The following ABCA5 variants were observed in gnomAD, a reference collection of about 807,000 sequenced individuals.
The protein encoded by ABCA5 is ATP binding cassette subfamily A member 5.
ABCA5 carries 163 observed loss-of-function variants against 206.0 expected under a neutral mutation model. The ratio of observed to expected loss-of-function variants is 0.79; its 90% CI spans 0.70 to 0.90. The LOEUF (loss-of-function observed/expected upper bound fraction) is 0.90. Ranked by LOEUF, ABCA5 falls within the 40% of genes least tolerant of loss-of-function variation. The probability of loss-of-function intolerance (pLI) is 0.00; values close to 1 mark genes in which losing one functional copy is unlikely to be tolerated. For missense variants in ABCA5, 1,859 were observed against 1,912.9 expected (o/e 0.97, Z 0.53); for synonymous variants, 609 against 613.8 (o/e 0.99, Z 0.11).
At chr17:69,313,342 C>A in intron 2 of ABCA5, 46 bp from the exon 3 acceptor site, 1 of 862,410 alleles carries the variant, frequency 1.2e-6, no homozygotes, top group Non-Finnish European at 1.7e-6. Flanking sequence ...ACAATGGCAG[C>A]AAAAATCATC....
intron 11 of ABCA5, among the ~76,000 whole-genome samples, chr17:69,293,833 G>GGTGTGT (rs61315865): frequency 0.043 from 5,257 of 123,354 alleles, 137 homozygotes; most frequent in African/African-American, 0.093. Flanking sequence ...CAATCATACT[G>GGTGTGT]GTGTGTGTGT....
rs999373805 is a variant in ABCA5 at position 69,309,538 on chromosome 17, T to C, written c.308-115A>G. 3 of 829,758 alleles carry C rather than the reference T, an allele frequency of 3.6e-6. No individual in the cohort carries two copies. The African/African-American group carries it at 5.4e-5, about 15-fold the overall frequency. 51.4% of individuals were successfully genotyped at this position (829,758 alleles called of 1,614,324 possible). A position where few individuals can be genotyped will look rare whatever the true frequency, so the allele number is the denominator to read the frequency against. On this transcript the variant is annotated intron_variant, in intron 3 of 38. Transcript: ENST00000392676. ...TATTTTATAAACACTTTTGCTATAT[T>C]TACTTCTTAAAAAATGAAAACAGTC...
At position 69,259,751 on chromosome 17, in the gene ABCA5, T is replaced by A. The variant is rs769580983; in HGVS notation, c.3686A>T (p.Glu1229Val). The A allele has an allele frequency of 6.2e-7, 1 of 1,609,862 alleles. No homozygotes were observed. Among genetic ancestry groups the A allele is most frequent in the Non-Finnish European group, 8.5e-7 (1 of 1,177,284 alleles). ...TATTGATCTGCCTCCATATTTTTTC[T>A]CATAGTATTGTAAGAGGAAAATCCA... Reference protein sequence around the residue: ...VLWIFLLQYYEKKYGGRSIRK... With the variant: ...VLWIFLLQYYVKKYGGRSIRK... The change falls in exon 28 of 39, where the codon GAG (glutamate) becomes GTG (valine). Residue 1229 changes from glutamate to valine, a missense_variant. Coordinates refer to ENST00000392676, the MANE Select transcript of ABCA5 (RefSeq NM_172232.4).
Position 69,245,442 on chromosome 17 carries a change from T to A in ABCA5, c.*2095A>T, listed in dbSNP as rs1161182903. 1 of 151,986 alleles carries A rather than the reference T, an allele frequency of 6.6e-6. No individual in the cohort carries two copies. The highest frequency in any genetic ancestry group is 1.5e-5 in the Non-Finnish European group (1 of 67,844). 9.4% of individuals were successfully genotyped at this position (151,986 alleles called of 1,614,324 possible). Reference sequence around the variant, plus strand: ...TTTAAAATTAGTATGTTCATAAACATGAACTGTACACTGTAAATAAATATA... The same window carrying A: ...TTTAAAATTAGTATGTTCATAAACAAGAACTGTACACTGTAAATAAATATA... On this transcript the variant is annotated 3_prime_UTR_variant, in exon 39 of 39. Transcript: ENST00000392676.
Position 69,283,941 on chromosome 17 carries a change from T to C in ABCA5, c.2392+12A>G, listed in dbSNP as rs2075423970. ...TTCATTGCCTAAAATGTTTTGTTAGTTCTGTTTTTACCTGCTTGGTCAATT... is the reference window on the plus strand; with the variant it reads ...TTCATTGCCTAAAATGTTTTGTTAGCTCTGTTTTTACCTGCTTGGTCAATT... On this transcript the variant is annotated intron_variant, in intron 18 of 38. Transcript: ENST00000392676. 1.2e-6 allele frequency: 2 copies of C among 1,603,952 alleles called. No homozygotes were observed. Among genetic ancestry groups the C allele is most frequent in the East Asian group, 2.3e-5 (1 of 44,174 alleles).
rs71144665 is a variant in ABCA5, at chr17:69,252,016, A to ACTTTTATATTCT, written c.4416-151_4416-150insAGAATATAAAAG. 9.4e-4 allele frequency: 575 copies of ACTTTTATATTCT among 613,622 alleles called. 60 individuals are homozygous for ACTTTTATATTCT. Among genetic ancestry groups the ACTTTTATATTCT allele is most frequent in the Middle Eastern group, 1.4e-3 (3 of 2,098 alleles). 38.0% of individuals were successfully genotyped at this position (613,622 alleles called of 1,614,324 possible). A position where few individuals can be genotyped will look rare whatever the true frequency, so the allele number is the denominator to read the frequency against. On this transcript the variant is annotated intron_variant, in intron 34 of 38. Coordinates refer to ENST00000392676, the MANE Select transcript of ABCA5 (RefSeq NM_172232.4). ...GGCTATTACATCCTGCCCAACTATGATTTTTTTTTTTTTGAGACGGAGTCT... is the reference window on the plus strand; with the variant it reads ...GGCTATTACATCCTGCCCAACTATGACTTTTATATTCTTTTTTTTTTTTTTGAGACGGAGTCT...
intron 1 of ABCA5, among the ~76,000 whole-genome samples, chr17:69,323,882 T>C (rs1336137301): frequency 6.6e-6 from 1 of 152,146 alleles, no homozygotes; most frequent in Non-Finnish European, 1.5e-5. Context: ...TTTTAAAAGG[T>C]TGAAAAATAA....
intron 19 of ABCA5, among the ~76,000 whole-genome samples, chr17:69,276,072 TTTAA>T (rs1200189388): frequency 6.9e-6 from 1 of 144,520 alleles, no homozygotes; most frequent in Non-Finnish European, 1.5e-5. Context: ...ACTAAGGTAT[TTTAA>T]TTTTCTTTTT....
At chr17:69,294,123 T>A (rs1377339677) in intron 11 of ABCA5, among the ~76,000 whole-genome samples, 1 of 152,172 alleles carries the variant, frequency 6.6e-6, no homozygotes, top group Non-Finnish European at 1.5e-5. Context: ...CTTATTCAAA[T>A]AATTGAGTAT....
Position 69,255,772 on chromosome 17 carries a change from T to C in ABCA5, c.3937A>G (p.Lys1313Glu). Residue 1313 changes from lysine to glutamate, a missense_variant, in exon 30 of 39, where the codon AAA (lysine) becomes GAA (glutamate). By Grantham distance (56) the Lys-to-Glu change is moderately conservative. Transcript: ENST00000392676. ...AAAGAGATGTATTTAGTTGCCACTT[T>C]CTTTACTTTTCTTGAAAGAAGAAAA... ...KDFLLSRKVK[K>E]VATKYISFCV... 6.3e-7 allele frequency: 1 copy of C among 1,598,550 alleles called. No individual in the cohort carries two copies. The highest frequency in any genetic ancestry group is 8.5e-7 in the Non-Finnish European group (1 of 1,175,128).
At chr17:69,292,976 G>A (rs1444991139) in intron 11 of ABCA5, among the ~76,000 whole-genome samples, 1 of 152,130 alleles carries the variant, frequency 6.6e-6, no homozygotes, top group Non-Finnish European at 1.5e-5. Context: ...TAGTTATTAG[G>A]CAAATGCAAA....
intron 35 of ABCA5, 94 bp downstream of exon 35, chr17:69,251,653 A>G: frequency 6.8e-7 from 1 of 1,466,676 alleles, no homozygotes; most frequent in East Asian, 2.4e-5. Flanking sequence ...TTTAACATTT[A>G]AATTACTAAC....
intron 31 of ABCA5, among the ~76,000 whole-genome samples, chr17:69,254,824 A>G (rs904932220): frequency 8.5e-5 from 13 of 152,132 alleles, no homozygotes; most frequent in Admixed American, 6.6e-5. Flanking sequence ...GCACCCGCCC[A>G]GATGTTTTAC....
chr17:69,320,980 G>C (rs1256585479), intron 1 of ABCA5, among the ~76,000 whole-genome samples: 1 of 152,128 alleles, frequency 6.6e-6, no homozygotes, highest in African/African-American at 2.4e-5. Flanking sequence ...GTCCTTTGGG[G>C]AGAAGACAGA....
At chr17:69,282,646 G>C (rs2075407631) in intron 18 of ABCA5, among the ~76,000 whole-genome samples, 1 of 122,480 alleles carries the variant, frequency 8.2e-6, no homozygotes, top group South Asian at 2.5e-4. Flanking sequence ...GTGGGCGCCT[G>C]TAATCCCAGC....
chr17:69,276,025 C>T (rs951945200), intron 19 of ABCA5, among the ~76,000 whole-genome samples: 1 of 142,302 alleles, frequency 7.0e-6, no homozygotes, highest in Non-Finnish European at 1.5e-5. Context: ...GTTTAAGTCA[C>T]CCAGTAAATG....
intron 11 of ABCA5, among the ~76,000 whole-genome samples, 168 bp from the exon 12 acceptor site, chr17:69,291,494 G>A (rs1038056274): frequency 1.3e-5 from 2 of 152,102 alleles, no homozygotes; most frequent in African/African-American, 2.4e-5. Context: ...TACAGTCAAC[G>A]ATATAAACAG....
At position 69,289,209 on chromosome 17, in the gene ABCA5, A is replaced by T; in HGVS notation, c.1870T>A (p.Ser624Thr). The change falls in exon 14 of 39, where the codon TCA becomes ACA. Residue 624 changes from serine (S) to threonine (T), a missense_variant. By Grantham distance (58) the Ser-to-Thr change is moderately conservative. Coordinates refer to ENST00000392676, the MANE Select transcript of ABCA5 (RefSeq NM_172232.4). ...TTCCCAAGAACAGCAATTCCTAATG[A>T]CAGCTTTCTTTTTTGACCACCACTT... Reference protein sequence around the residue: ...KLSGGQKRKLSLGIAVLGNPK... With the variant: ...KLSGGQKRKLTLGIAVLGNPK... 4 of 1,609,280 alleles carry T rather than the reference A, an allele frequency of 2.5e-6. No individual in the cohort carries two copies. The highest frequency in any genetic ancestry group is 3.4e-6 in the Non-Finnish European group (4 of 1,178,012).
chr17:69,282,105 TAC>T (rs2075400415), intron 18 of ABCA5, among the ~76,000 whole-genome samples: 2 of 152,202 alleles, frequency 1.3e-5, no homozygotes, highest in African/African-American at 4.8e-5. Flanking sequence ...TCACCACTCT[TAC>T]AGTCTACCAA....
Sources: gnomAD v4.1 joint callset for allele counts (sites outside exome capture counted in the v4.1 genomes callset) on GRCh38, gnomAD v4.1.1 for gene constraint, MANE v1.5 for transcripts, NCBI Gene and HGNC (gene_info 2026-07-23, HGNC 2026-07-21) for gene names.